Variants in ZNF771 observed in about 807,000 individuals in gnomAD.
ZNF771 encodes the protein mesenchymal stem cell protein DSC43.
Under a neutral mutation model 27.6 loss-of-function variants are expected in ZNF771, and 10 were observed. The ratio of observed to expected loss-of-function variants is 0.36; its 90% CI spans 0.22 to 0.61. The LOEUF is 0.61. ZNF771 is among the 20% of genes least tolerant of loss of function. The pLI is 0.70. For synonymous variants in ZNF771, 261 were observed against 225.2 expected (o/e 1.16, Z -1.43); for missense variants, 438 against 503.7 (o/e 0.87, Z 1.25).
intron 2 of ZNF771, among the ~76,000 whole-genome samples, chr16:30,412,014 GTTTT>G (rs2050106342): frequency 6.6e-6 from 1 of 152,114 alleles, no homozygotes; most frequent in Non-Finnish European, 1.5e-5. Flanking sequence ...CCCTTGAGTG[GTTTT>G]CTGTTTCCCT....
intron 2 of ZNF771, among the ~76,000 whole-genome samples, chr16:30,410,757 C>CA (rs1347529754): frequency 1.4e-5 from 2 of 139,212 alleles, no homozygotes; most frequent in Non-Finnish European, 3.1e-5. Context: ...TGGTGGCTCA[C>CA]ACCTGTAATC....
Position 30,408,114 on chromosome 16 carries a change from C to G in ZNF771, c.61C>G (p.Leu21Val), listed in dbSNP as rs777320279. ...GGAAGAGATGCAGGAGGAGATGGTG[C>G]TGCTGGTGAAGGGTGAGGAGGATGA... ...EEEEMQEEMVLLVKGEEDEGE... is the reference protein window; with the variant it reads ...EEEEMQEEMVVLVKGEEDEGE... The change falls in exon 2 of 3, where the codon CTG becomes GTG. Residue 21 changes from leucine (L) to valine (V), a missense_variant. Leu to Val is a conservative substitution (Grantham distance 32). Around this residue, in one of 3 missense-constraint regions of ZNF771, gnomAD observed 84 missense variants for 89.2 expected, o/e 0.94. Coordinates refer to ENST00000319296, the MANE Select transcript of ZNF771 (RefSeq NM_001142305.2). 11 of 1,608,574 alleles carry G rather than the reference C, an allele frequency of 6.8e-6. No homozygotes were observed. In the South Asian group the frequency reaches 1.2e-4, roughly 18 times the overall value.
intron 2 of ZNF771, chr16:30,413,466 C>T (rs1473500570): frequency 3.9e-6 from 1 of 254,980 alleles, no homozygotes; most frequent in Non-Finnish European, 8.2e-6. Context: ...CATGTGATAT[C>T]TTGTTTTTTA....
At chr16:30,412,541 C>G (rs2050109662) in intron 2 of ZNF771, among the ~76,000 whole-genome samples, 1 of 152,060 alleles carries the variant, frequency 6.6e-6, no homozygotes, top group Admixed American at 6.6e-5. Flanking sequence ...GCCTGTAATC[C>G]CAGCACTTTT....
intron 2 of ZNF771, chr16:30,413,736 AT>A: frequency 8.6e-6 from 2 of 232,452 alleles, no homozygotes; most frequent in African/African-American, 2.3e-5. Flanking sequence ...CACCTGGCTA[AT>A]TTTTCACTTT....
Position 30,419,359 on chromosome 16 carries a change from T to TC in ZNF771, c.*993dup, listed in dbSNP as rs1156639365. Reference sequence around the variant, plus strand: ...GCGGAGGCAGGAGGATCTCTTGAAGTCAAGAGTTTGAGATCAGCCTGGAGA... The same window carrying TC: ...GCGGAGGCAGGAGGATCTCTTGAAGTCCAAGAGTTTGAGATCAGCCTGGAGA... On this transcript the variant is annotated 3_prime_UTR_variant, in exon 3 of 3. Coordinates refer to ENST00000319296, the MANE Select transcript of ZNF771 (RefSeq NM_001142305.2). 6.6e-6 allele frequency: 1 copy of TC among 152,476 alleles called. No homozygotes were observed. The highest frequency in any genetic ancestry group is 2.4e-5 in the African/African-American group (1 of 41,136). 9.4% of individuals were successfully genotyped at this position (152,476 alleles called of 1,614,324 possible).
At chr16:30,409,557 C>G (rs937226527) in intron 2 of ZNF771, among the ~76,000 whole-genome samples, 3 of 152,278 alleles carry the variant, frequency 2.0e-5, no homozygotes, top group African/African-American at 7.2e-5. Flanking sequence ...CAGCAGAGGG[C>G]TTTGGCCCCA....
Position 30,417,980 on chromosome 16 carries a change from C to T in ZNF771, c.567C>T (p.Cys189=), listed in dbSNP as rs751192153. The part of the protein sequence containing the change: ...DCGRAFGGSS[C]LARHRRTHTG... ...GACGCGCCTTTGGCGGCAGCTCGTG[C>T]CTGGCGCGCCACCGACGCACGCACA... The change falls in exon 3 of 3, where the codon TGC becomes TGT. Residue 189 remains cysteine (C), a synonymous_variant. Coordinates refer to ENST00000319296, the MANE Select transcript of ZNF771 (RefSeq NM_001142305.2). 3.4e-6 allele frequency: 5 copies of T among 1,478,068 alleles called. No individual in the cohort carries two copies. The highest frequency in any genetic ancestry group is 2.5e-5 in the Admixed American group (1 of 40,724). The allele number at this position is 1,478,068 out of a possible 1,614,324, so 91.6% of individuals were successfully genotyped here.
At chr16:30,407,764 A>T in intron 1 of ZNF771, 100 bp downstream of exon 1, 4 of 204,550 alleles carry the variant, frequency 2.0e-5, no homozygotes, top group Non-Finnish European at 4.0e-5. Context: ...GGAGTGACTC[A>T]GCGCAAGGAT....
intron 2 of ZNF771, among the ~76,000 whole-genome samples, chr16:30,409,031 G>A (rs911539321): frequency 6.6e-5 from 10 of 152,014 alleles, no homozygotes; most frequent in African/African-American, 2.2e-4. Context: ...CTGGAGTGCA[G>A]TGGCGTGATC....
chr16:30,409,135 C>T (rs1042808969), intron 2 of ZNF771, among the ~76,000 whole-genome samples: 12 of 151,954 alleles, frequency 7.9e-5, no homozygotes, highest in African/African-American at 1.4e-4. Flanking sequence ...CCACCACGCC[C>T]GGCTAATTTT....
intron 2 of ZNF771, among the ~76,000 whole-genome samples, chr16:30,411,067 C>T (rs2050101403): frequency 6.6e-6 from 1 of 151,302 alleles, no homozygotes; most frequent in African/African-American, 2.4e-5. Flanking sequence ...GCCTGTAATC[C>T]CAGCACTTTG....
At chr16:30,412,790 CAA>C (rs953740017) in intron 2 of ZNF771, among the ~76,000 whole-genome samples, 1 of 135,986 alleles carries the variant, frequency 7.4e-6, no homozygotes, top group Non-Finnish European at 1.6e-5. Context: ...GACCTTTTCT[CAA>C]AAAAAAAAAA....
Position 30,417,770 on chromosome 16 carries a change from C to A in ZNF771, c.357C>A (p.Tyr119Ter). The A allele has an allele frequency of 6.8e-7, 1 of 1,462,078 alleles. No homozygotes were observed. The highest frequency in any genetic ancestry group is 9.0e-7 in the Non-Finnish European group (1 of 1,113,374). 90.6% of individuals were successfully genotyped at this position (1,462,078 alleles called of 1,614,324 possible). ...GCACGCACACGGGCGAGCGGCCCTA[C>A]GAGTGCCCCGAGTGCGACAAACGCT... ...HGRTHTGERP[Y>*]ECPECDKRFS... The change falls in exon 3 of 3, where the codon TAC becomes TAA. Residue 119 changes from tyrosine (Y) to a stop codon, truncating the protein, a stop_gained. Transcript: ENST00000319296. LOFTEE classifies it high-confidence loss of function.
intron 2 of ZNF771, among the ~76,000 whole-genome samples, chr16:30,409,027 T>A (rs1330443317): frequency 6.6e-6 from 1 of 151,746 alleles, no homozygotes; most frequent in Non-Finnish European, 1.5e-5. Context: ...CAGGCTGGAG[T>A]GCAGTGGCGT....
chr16:30,407,922 G>A, intron 1 of ZNF771, 123 bp from the exon 2 acceptor site: 4 of 652,172 alleles, frequency 6.1e-6, no homozygotes, highest in Non-Finnish European at 1.0e-5. Flanking sequence ...GACCAGATTC[G>A]GAGACCAGGG....
chr16:30,415,555 G>A (rs2050129836), intron 2 of ZNF771, among the ~76,000 whole-genome samples: 1 of 151,850 alleles, frequency 6.6e-6, no homozygotes. Context: ...GCTAATTTTT[G>A]TATTTGTAGT....
chr16:30,410,607 A>G (rs902817378), intron 2 of ZNF771, among the ~76,000 whole-genome samples: 7 of 152,066 alleles, frequency 4.6e-5, no homozygotes, highest in African/African-American at 1.4e-4. Context: ...GGAGGAGGAA[A>G]CAGCAAAAAC....
chr16:30,408,005 G>T (rs763073396), intron 1 of ZNF771, 40 bp from the exon 2 acceptor site: 6 of 807,638 alleles, frequency 7.4e-6, no homozygotes, highest in East Asian at 4.6e-5. Context: ...GGGGTGGGGG[G>T]GGGCGGGTCC....
Sources: allele counts gnomAD v4.1 joint callset (sites outside exome capture counted in the v4.1 genomes callset), GRCh38; gene constraint gnomAD v4.1.1; regional missense constraint gnomAD v4.1.1; transcripts MANE v1.5; gene names NCBI Gene and HGNC (gene_info 2026-07-23, HGNC 2026-07-21).